USP39: variants seen among roughly 807,000 people sequenced by gnomAD.
USP39 encodes the protein ubiquitin carboxyl-terminal hydrolase 39.
In USP39, 38 loss-of-function variants were observed where a neutral mutation model predicts 66.4. That is an observed-to-expected ratio of 0.57 (90% CI 0.44 to 0.75). The LOEUF is 0.75. Among genes scored for constraint, USP39 ranks in the 30% least tolerant of loss-of-function variants. The pLI is 0.00. For synonymous variants in USP39, 303 were observed against 274.6 expected (o/e 1.10, Z -1.02); for missense variants, 608 against 714.4 (o/e 0.85, Z 1.70).
At chr2:85,612,014 CCTCG>C (rs775718792), upstream of USP39, 46 of 1,436,472 alleles carry the variant, frequency 3.2e-5, no homozygotes, top group Admixed American at 1.6e-4. Context: ...GTCGCCGCCG[CCTCG>C]ACGGCCCCAA....
At chr2:85,615,441 A>T (rs1300134239), upstream of USP39, among the ~76,000 whole-genome samples, 1 of 152,190 alleles carries the variant, frequency 6.6e-6, no homozygotes, top group Non-Finnish European at 1.5e-5. Flanking sequence ...CTTCATGGTA[A>T]ATCTGCCTTT....
chr2:85,642,637 A>G (rs997179960), intron 10 of USP39, among the ~76,000 whole-genome samples: 3 of 152,364 alleles, frequency 2.0e-5, no homozygotes, highest in East Asian at 1.9e-4. Context: ...GAGAACATCA[A>G]ATTGTGACTA....
chr2:85,625,410 C>A, intron 4 of USP39, 129 bp from the exon 5 acceptor site: 1 of 1,181,484 alleles, frequency 8.5e-7, no homozygotes, highest in Non-Finnish European at 1.2e-6. Context: ...CCTACTGGTT[C>A]GGACTATTTT....
At chr2:85,641,737 A>G (rs189422160) in intron 10 of USP39, among the ~76,000 whole-genome samples, 12 of 151,250 alleles carry the variant, frequency 7.9e-5, no homozygotes, top group African/African-American at 1.7e-4. Flanking sequence ...CCCCATCTCT[A>G]CAAAAAAATA....
At chr2:85,633,149 C>T (rs561896035) in intron 6 of USP39, among the ~76,000 whole-genome samples, 1 of 152,018 alleles carries the variant, frequency 6.6e-6, no homozygotes, top group Non-Finnish European at 1.5e-5. Flanking sequence ...GAGATAGAGT[C>T]TCACTCTGTT....
At chr2:85,619,069 C>T (rs1674239354) in intron 1 of USP39, 151 bp from the exon 2 acceptor site, 1 of 818,332 alleles carries the variant, frequency 1.2e-6, no homozygotes, top group Non-Finnish European at 2.0e-6. Flanking sequence ...CCGCGCCCGG[C>T]TAGTGGACTT....
rs775028076 is a variant in USP39 at position 85,636,126 on chromosome 2, G to T, written c.1023G>T (p.Lys341Asn). The T allele has an allele frequency of 6.2e-7, 1 of 1,613,638 alleles. No individual in the cohort carries two copies. The highest frequency in any genetic ancestry group is 8.5e-7 in the Non-Finnish European group (1 of 1,179,872). The change falls in exon 7 of 13, where the codon AAG (lysine) becomes AAT (asparagine). Residue 341 changes from lysine to asparagine, a missense_variant. Physicochemically the swap from Lys to Asn is moderately conservative, Grantham distance 94 (BLOSUM62 0). Coordinates refer to ENST00000323701, the MANE Select transcript of USP39 (RefSeq NM_006590.4). ...CTCTGGGGGGCACAAAGAAGAAAAA[G>T]AAGAGTAAGTCATTTACTTATAAAA... ...HSALGGTKKK[K>N]KTIVTDVFQG... is the part of the protein sequence containing the mutation.
At chr2:85,619,124 A>C in intron 1 of USP39, 96 bp from the exon 2 acceptor site, 1 of 1,381,676 alleles carries the variant, frequency 7.2e-7, no homozygotes, top group East Asian at 2.4e-5. Flanking sequence ...ACTCATCTTG[A>C]TTAGTTTTTC....
At chr2:85,604,250 C>T (rs1404038311) in intron 1 of USP39, among the ~76,000 whole-genome samples, 1 of 152,174 alleles carries the variant, frequency 6.6e-6, no homozygotes, top group Non-Finnish European at 1.5e-5. Flanking sequence ...TCACTTGTTG[C>T]CCAGGCTGGA....
At chr2:85,647,429 A>C (rs1676725459) in intron 11 of USP39, among the ~76,000 whole-genome samples, 1 of 152,078 alleles carries the variant, frequency 6.6e-6, no homozygotes, top group Non-Finnish European at 1.5e-5. Flanking sequence ...CTAGCACTTT[A>C]GGAGGCTGAG....
rs1030329292 is a variant in USP39 at position 85,616,794 on chromosome 2, C to A, written c.268+331C>A. Among the ~76,000 whole-genome samples, 4 of 151,836 alleles carry A rather than the reference C, an allele frequency of 2.6e-5. No homozygotes were observed. The South Asian group carries it at 6.2e-4, about 24-fold the overall frequency. ...CCCGGTTCAAACGATTCTCCTACCTCCGCCTCCCAGGTAGCTGGGATTACA... is the reference window on the plus strand; with the variant it reads ...CCCGGTTCAAACGATTCTCCTACCTACGCCTCCCAGGTAGCTGGGATTACA... On this transcript the variant is annotated intron_variant, in intron 1 of 12. Transcript: ENST00000323701.
At chr2:85,637,026 A>G (rs1167698127) in intron 7 of USP39, among the ~76,000 whole-genome samples, 1 of 152,160 alleles carries the variant, frequency 6.6e-6, no homozygotes, top group East Asian at 1.9e-4. Flanking sequence ...GCTTATGGTT[A>G]TGGGAAGTTC....
chr2:85,630,672 A>G (rs763213577), intron 5 of USP39, 49 bp from the exon 6 acceptor site: 18 of 1,560,608 alleles, frequency 1.2e-5, no homozygotes, highest in Non-Finnish European at 1.4e-5. Flanking sequence ...GCTTGGCTCA[A>G]GGGGTCCTAC....
At chr2:85,630,471 TTTTAACCTTC>T (rs1443767910) in intron 5 of USP39, among the ~76,000 whole-genome samples, 1 of 152,224 alleles carries the variant, frequency 6.6e-6, no homozygotes, top group Non-Finnish European at 1.5e-5. Context: ...TTTTGTTTTG[TTTTAACCTTC>T]TTTGTGGTAT....
chr2:85,634,547 C>T (rs1421027728), intron 6 of USP39, among the ~76,000 whole-genome samples: 3 of 152,158 alleles, frequency 2.0e-5, no homozygotes, highest in Non-Finnish European at 4.4e-5. Flanking sequence ...GCACTCCAGC[C>T]TGGGTGACAG....
At chr2:85,621,704 A>G (rs1257547971) in intron 3 of USP39, 125 bp downstream of exon 3, 27 of 792,154 alleles carry the variant, frequency 3.4e-5, no homozygotes, top group Non-Finnish European at 5.3e-5. Flanking sequence ...GGAAATTGAA[A>G]TATTCTTAGA....
At chr2:85,624,281 C>T (rs1429104110) in intron 4 of USP39, among the ~76,000 whole-genome samples, 8 of 151,846 alleles carry the variant, frequency 5.3e-5, no homozygotes, top group African/African-American at 1.7e-4. Context: ...TAGTGTTGGG[C>T]TTTTGATTAT....
upstream of USP39, among the ~76,000 whole-genome samples, chr2:85,615,186 A>G (rs1285454588): frequency 2.0e-5 from 3 of 151,914 alleles, no homozygotes; most frequent in Non-Finnish European, 4.4e-5. Context: ...ACGCCCGGCT[A>G]ATTTTTGTAT....
chr2:85,631,301 A>G lies in USP39; in HGVS notation c.949+355A>G, dbSNP rs13036144. The stretch of plus-strand genomic sequence containing the variant: ...GTGCTGGGGATTACAGGCATGAGCC[A>G]CTGCGCCCGGCCTTTTTTTTTTTTT... On this transcript the variant is annotated intron_variant, in intron 6 of 12. Coordinates refer to ENST00000323701, the MANE Select transcript of USP39 (RefSeq NM_006590.4). 8.0e-3 allele frequency among the ~76,000 whole-genome samples: 1,166 copies of G among 146,474 alleles called. 8 individuals carry two copies. The highest frequency in any genetic ancestry group is 0.014 in the Non-Finnish European group (974 of 67,362).
Sources: gnomAD v4.1 joint callset for allele counts (sites outside exome capture counted in the v4.1 genomes callset) on GRCh38, gnomAD v4.1.1 for gene constraint, MANE v1.5 for transcripts, NCBI Gene and HGNC (gene_info 2026-07-23, HGNC 2026-07-21) for gene names.